Variants in TDRD5 observed in about 807,000 individuals in gnomAD.
TDRD5 encodes tudor domain-containing protein 5.
A neutral mutation model predicts 120.6 loss-of-function variants in TDRD5; 41 were observed. The observed-to-expected ratio is 0.34, with a 90% CI of 0.26 to 0.44. The LOEUF is 0.44. TDRD5 is among the 20% of genes least tolerant of loss of function. The pLI, the probability that TDRD5 is intolerant of heterozygous loss-of-function variation, is 1.00. For synonymous variants in TDRD5, 430 were observed against 433.7 expected, an observed-to-expected ratio of 0.99 and a Z score of 0.11; for missense variants, 1,006 against 1,221.2, an observed-to-expected ratio of 0.82 and a Z score of 2.63.
intron 17 of TDRD5, among the ~76,000 whole-genome samples, chr1:179,670,168 G>A (rs1003949987): frequency 6.6e-6 from 1 of 152,230 alleles, no homozygotes; most frequent in Non-Finnish European, 1.5e-5. Flanking sequence ...GAGGTGGGTG[G>A]ATCACGAGGT....
At chr1:179,596,974 G>C (rs138157469) in intron 4 of TDRD5, among the ~76,000 whole-genome samples, 1 of 152,282 alleles carries the variant, frequency 6.6e-6, no homozygotes, top group East Asian at 1.9e-4. Flanking sequence ...GGGATTGTCA[G>C]TTTTAAAAAT....
intron 17 of TDRD5, among the ~76,000 whole-genome samples, chr1:179,670,191 A>G (rs1572425328): frequency 6.6e-6 from 1 of 152,156 alleles, no homozygotes; most frequent in Non-Finnish European, 1.5e-5. Context: ...GGAGTTCAAG[A>G]CCAGCCTGGC....
chr1:179,657,824 C>T (rs920478158), intron 14 of TDRD5, among the ~76,000 whole-genome samples: 7 of 152,054 alleles, frequency 4.6e-5, no homozygotes, highest in Non-Finnish European at 7.4e-5. Context: ...TTAGCATATG[C>T]ATTACCTCAC....
chr1:179,658,340 G>T (rs933025522), intron 14 of TDRD5, among the ~76,000 whole-genome samples: 3 of 152,152 alleles, frequency 2.0e-5, no homozygotes, highest in African/African-American at 4.8e-5. Flanking sequence ...TTCAGGGAGA[G>T]AAGTTAATTT....
In TDRD5 at chr1:179,652,153, C is replaced by G. The variant is rs758241351; in HGVS notation, c.2116C>G (p.Arg706Gly). 3.0e-5 allele frequency: 49 copies of G among 1,613,376 alleles called. No homozygotes were observed. Among genetic ancestry groups the G allele is most frequent in the Non-Finnish European group, 3.8e-5 (45 of 1,179,870 alleles). The change falls in exon 13 of 18, where the codon CGA (arginine) becomes GGA (glycine). Residue 706 changes from arginine (R) to glycine (G), a missense_variant. Physicochemically the swap from Arg to Gly is moderately radical, Grantham distance 125 (BLOSUM62 -2). Around this residue, in one of 3 missense-constraint regions of TDRD5, gnomAD observed 403 missense variants for 448.1 expected, o/e 0.90. Transcript: ENST00000444136. ...CCAGCAGCACTATTTTAATGAAGACCGAAAGATAAGTCCACAGTCAAAAGA... is the reference window on the plus strand; with the variant it reads ...CCAGCAGCACTATTTTAATGAAGACGGAAAGATAAGTCCACAGTCAAAAGA... ...PSQQHYFNED[R>G]KISPQSKESE...
At chr1:179,648,078 G>C (rs1382978971) in intron 11 of TDRD5, among the ~76,000 whole-genome samples, 78 of 151,324 alleles carry the variant, frequency 5.2e-4, no homozygotes, top group East Asian at 2.3e-3. Flanking sequence ...ACCATTTGAC[G>C]CAGCCATCCC....
At chr1:179,662,369 G>A in intron 15 of TDRD5, 83 bp downstream of exon 15, 7 of 1,449,464 alleles carry the variant, frequency 4.8e-6, no homozygotes, top group Non-Finnish European at 6.5e-6. Flanking sequence ...GGGAGGCCAA[G>A]GTGGGTGGAT....
chr1:179,611,221 T>C (rs1676259565), intron 4 of TDRD5, among the ~76,000 whole-genome samples: 1 of 152,050 alleles, frequency 6.6e-6, no homozygotes, highest in Non-Finnish European at 1.5e-5. Context: ...TGGCTAATTT[T>C]GGTATTTTTT....
intron 16 of TDRD5, among the ~76,000 whole-genome samples, chr1:179,668,025 G>C (rs1457621833): frequency 3.9e-5 from 6 of 152,180 alleles, no homozygotes; most frequent in Admixed American, 6.5e-5. Flanking sequence ...GCTTGTTACA[G>C]CTTGGTCTGA....
intron 6 of TDRD5, among the ~76,000 whole-genome samples, chr1:179,628,770 GATA>G (rs1677279024): frequency 6.6e-6 from 1 of 152,144 alleles, no homozygotes; most frequent in Admixed American, 6.5e-5. Flanking sequence ...TGTGTACTGA[GATA>G]ATAATTGAAA....
intron 9 of TDRD5, 95 bp from the exon 10 acceptor site, chr1:179,639,744 C>A: frequency 7.4e-7 from 1 of 1,348,252 alleles, no homozygotes; most frequent in Non-Finnish European, 1.0e-6. Flanking sequence ...CTTTTCTTTG[C>A]TTTTTGCCAA....
chr1:179,639,756 A>G (rs1188103918), intron 9 of TDRD5, 83 bp from the exon 10 acceptor site: 1 of 1,449,300 alleles, frequency 6.9e-7, no homozygotes, highest in African/African-American at 1.4e-5. Context: ...TTTTGCCAAG[A>G]CTTTCTGGCT....
chr1:179,631,613 T>C (rs1677451988), intron 7 of TDRD5, among the ~76,000 whole-genome samples: 1 of 152,126 alleles, frequency 6.6e-6, no homozygotes, highest in Non-Finnish European at 1.5e-5. Context: ...ATAATGTTAG[T>C]GTTACAGAAA....
At chr1:179,666,346 T>C (rs187859070) in intron 16 of TDRD5, among the ~76,000 whole-genome samples, 1 of 152,336 alleles carries the variant, frequency 6.6e-6, no homozygotes, top group East Asian at 1.9e-4. Context: ...ATTTAAATAG[T>C]TCTGATGAAT....
intron 4 of TDRD5, among the ~76,000 whole-genome samples, chr1:179,604,993 G>T (rs1675899202): frequency 6.6e-6 from 1 of 151,976 alleles, no homozygotes; most frequent in Non-Finnish European, 1.5e-5. Flanking sequence ...CACTATTATT[G>T]TGTTGCTGTC....
chr1:179,628,708 C>T (rs1406717518), intron 6 of TDRD5, among the ~76,000 whole-genome samples: 1 of 152,012 alleles, frequency 6.6e-6, no homozygotes, highest in East Asian at 1.9e-4. Context: ...ATTGACTAAC[C>T]TTTTAAAAGA....
chr1:179,636,651 A>T (rs1053591643), intron 9 of TDRD5, among the ~76,000 whole-genome samples: 2 of 152,242 alleles, frequency 1.3e-5, no homozygotes, highest in South Asian at 2.1e-4. Flanking sequence ...AATTATGCAG[A>T]TCTTCCAAAT....
At chr1:179,685,249 G>C (rs1194363731) in intron 17 of TDRD5, among the ~76,000 whole-genome samples, 1 of 152,142 alleles carries the variant, frequency 6.6e-6, no homozygotes, top group Admixed American at 6.5e-5. Flanking sequence ...TCCAGTTTCA[G>C]CTTTCTACAT....
intron 14 of TDRD5, 91 bp downstream of exon 14, chr1:179,654,453 C>G (rs992657857): frequency 1.5e-6 from 2 of 1,303,144 alleles, no homozygotes; most frequent in African/African-American, 3.0e-5. Flanking sequence ...TCTGTTTAAA[C>G]CCCACTGCTT....
Sources: gnomAD v4.1 joint callset for allele counts (sites outside exome capture counted in the v4.1 genomes callset) on GRCh38, gnomAD v4.1.1 for gene constraint, gnomAD v4.1.1 regional missense constraint, MANE v1.5 for transcripts, NCBI Gene and HGNC (gene_info 2026-07-23, HGNC 2026-07-21) for gene names.